The following NRG2 variants were observed in gnomAD, a reference collection of about 807,000 sequenced individuals.
NRG2 encodes neuregulin 2.
Under a neutral mutation model 73.9 loss-of-function variants are expected in NRG2, and 27 were observed. The ratio of observed to expected loss-of-function variants is 0.37; its 90% CI spans 0.27 to 0.50. The LOEUF (loss-of-function observed/expected upper bound fraction) is 0.50. Among genes scored for constraint, NRG2 ranks in the 20% least tolerant of loss-of-function variants. The probability of loss-of-function intolerance (pLI) is 0.96; values close to 1 mark genes in which losing one functional copy is unlikely to be tolerated. For missense variants in NRG2, 1,126 were observed against 1,210.1 expected, an observed-to-expected ratio of 0.93 and a Z score of 1.03; for synonymous variants, 532 against 541.0, an observed-to-expected ratio of 0.98 and a Z score of 0.23.
chr5:139,914,046 T>C (rs1751052677), intron 1 of NRG2, among the ~76,000 whole-genome samples: 1 of 152,068 alleles, frequency 6.6e-6, no homozygotes, highest in Non-Finnish European at 1.5e-5. Flanking sequence ...CCCAGCTACA[T>C]GGGAGGCTGA....
chr5:140,029,783 C>A (rs1760995825), intron 1 of NRG2, among the ~76,000 whole-genome samples: 1 of 151,754 alleles, frequency 6.6e-6, no homozygotes, highest in South Asian at 2.1e-4. Flanking sequence ...AGAGGAGAAC[C>A]AAGGACAACC....
rs1762725491 is a variant in NRG2, at chr5:139,869,919, C to T, written c.1112+1802G>A. On this transcript the variant is annotated intron_variant, in intron 4 of 9. Coordinates refer to ENST00000361474, the MANE Select transcript of NRG2 (RefSeq NM_004883.3). The surrounding 1 kb of genome is among the most constrained non-coding windows in gnomAD (Gnocchi z 4.5). ...GAGCCCTGGCCCCCATGGCCCTCCT[C>T]AGCCCTGGCACCTGTCCTGAGGGGC... Among the ~76,000 whole-genome samples, 1 of 152,222 alleles carries T rather than the reference C, an allele frequency of 6.6e-6. No individual in the cohort carries two copies. The highest frequency in any genetic ancestry group is 1.5e-5 in the Non-Finnish European group (1 of 68,040).
Position 139,851,608 on chromosome 5 carries a change from C to T in NRG2, c.1768G>A (p.Glu590Lys). 1.2e-6 allele frequency: 2 copies of T among 1,613,836 alleles called. No individual in the cohort carries two copies. Among genetic ancestry groups the T allele is most frequent in the East Asian group, 2.2e-5 (1 of 44,880 alleles). The change falls in exon 9 of 10, where the codon GAG becomes AAG. Residue 590 changes from glutamate to lysine, a missense_variant. This residue lies in a region of NRG2 where 539 missense variants were observed against 703.2 expected (regional missense o/e 0.77). Transcript: ENST00000361474. This position sits in a 1 kb window ranked among gnomAD's most constrained non-coding sequence, Gnocchi z 4.2. ...GGTCAGGGGGTAGGAACTGACCTCT[C>T]GCTGTGTGGGGAGTCGCGAAGGGAG... The part of the protein sequence containing the change: ...VDSLRDSPHS[E>K]RYVSALTTPA...
rs529550903 is a variant in NRG2 at position 139,972,584 on chromosome 5, G to C, written c.700+69786C>G. On this transcript the variant is annotated intron_variant, in intron 1 of 9. Transcript: ENST00000361474. ...TACTAAAAATACAAAAATTAGCTGG[G>C]TATGTGGCGTACGCCTGTAATCCCA... Among the ~76,000 whole-genome samples, 257 of 152,248 alleles carry C rather than the reference G, an allele frequency of 1.7e-3. 2 individuals are homozygous for C. Among genetic ancestry groups the C allele is most frequent in the African/African-American group, 5.5e-3 (227 of 41,552 alleles).
At chr5:139,929,975 G>GT (rs1752344277) in intron 1 of NRG2, among the ~76,000 whole-genome samples, 1 of 152,190 alleles carries the variant, frequency 6.6e-6, no homozygotes, top group African/African-American at 2.4e-5. Context: ...GTCTGAATTC[G>GT]TGATGTCACA....
chr5:140,035,193 A>G (rs1303747100), intron 1 of NRG2, among the ~76,000 whole-genome samples: 1 of 152,146 alleles, frequency 6.6e-6, no homozygotes, highest in Non-Finnish European at 1.5e-5. Flanking sequence ...CTCTTGCTGC[A>G]TGAAATAATC....
rs1761118687 is a variant in NRG2, at chr5:139,848,148, G to A, written c.2322C>T (p.Ala774=). ...SLSSGSGGGS[A]SASDDDADDA... ...CGTCCGCGTCGTCGTCCGACGCCGAGGCTGAGCCGCCGCCCGAGCCGCTGC... is the reference window on the plus strand; with the variant it reads ...CGTCCGCGTCGTCGTCCGACGCCGAAGCTGAGCCGCCGCCCGAGCCGCTGC... The change falls in exon 10 of 10, where the codon GCC becomes GCT. Residue 774 remains alanine, a synonymous_variant. Coordinates refer to ENST00000361474, the MANE Select transcript of NRG2 (RefSeq NM_004883.3). 3 of 1,453,458 alleles carry A rather than the reference G, an allele frequency of 2.1e-6. No homozygotes were observed. Among genetic ancestry groups the A allele is most frequent in the Non-Finnish European group, 2.7e-6 (3 of 1,110,080 alleles). 90.0% of individuals were successfully genotyped at this position (1,453,458 alleles called of 1,614,324 possible).
intron 1 of NRG2, among the ~76,000 whole-genome samples, chr5:139,982,803 C>T (rs1756909275): frequency 6.6e-6 from 1 of 152,170 alleles, no homozygotes; most frequent in Non-Finnish European, 1.5e-5. Context: ...TCTTTTGTGT[C>T]GTACTCTTAG....
At chr5:139,999,557 G>A (rs547867511) in intron 1 of NRG2, among the ~76,000 whole-genome samples, 3 of 152,320 alleles carry the variant, frequency 2.0e-5, no homozygotes, top group South Asian at 2.1e-4. Context: ...GGGACCAGAC[G>A]TTCTCTGTTC....
At position 140,012,896 on chromosome 5, in the gene NRG2, G is replaced by A. The variant is rs544451817; in HGVS notation, c.700+29474C>T. Among the ~76,000 whole-genome samples, 4 of 152,232 alleles carry A rather than the reference G, an allele frequency of 2.6e-5. No homozygotes were observed. The East Asian group carries it at 7.7e-4, about 29-fold the overall frequency. On this transcript the variant is annotated intron_variant, in intron 1 of 9. Coordinates refer to ENST00000361474, the MANE Select transcript of NRG2 (RefSeq NM_004883.3). Reference sequence around the variant, plus strand: ...TGTGCCCATGCAATTGAATGTAGCTGGAGAAATGCACACAATCACCTAGAC... The same window carrying A: ...TGTGCCCATGCAATTGAATGTAGCTAGAGAAATGCACACAATCACCTAGAC...
In NRG2 at chr5:140,011,007, C is replaced by T. The variant is rs559997487; in HGVS notation, c.700+31363G>A. ...CAGCTATAGAGGGTTCTCCTGGCTC[C>T]CTCCCACTACTGTTTGTCCTGCATA... is the stretch of plus-strand genomic sequence containing the variant. On this transcript the variant is annotated intron_variant, in intron 1 of 9. Coordinates refer to ENST00000361474, the MANE Select transcript of NRG2 (RefSeq NM_004883.3). 3.9e-4 allele frequency among the ~76,000 whole-genome samples: 59 copies of T among 152,306 alleles called. No individual in the cohort carries two copies. The South Asian group carries it at 0.011, about 27-fold the overall frequency.
intron 1 of NRG2, among the ~76,000 whole-genome samples, chr5:140,010,952 G>A (rs1485042781): frequency 6.6e-6 from 1 of 152,212 alleles, no homozygotes; most frequent in Admixed American, 6.5e-5. Flanking sequence ...GCAGGCCCTG[G>A]TCATCTCTCC....
rs1349795914 is a variant in NRG2, at chr5:139,869,461, C to T, written c.1112+2260G>A. 6.6e-6 allele frequency: 1 copy of T among 152,378 alleles called. No homozygotes were observed. The highest frequency in any genetic ancestry group is 1.5e-5 in the Non-Finnish European group (1 of 68,108). 9.4% of individuals were successfully genotyped at this position (152,378 alleles called of 1,614,324 possible). On this transcript the variant is annotated intron_variant, in intron 4 of 9. Transcript: ENST00000361474. The surrounding 1 kb of genome is among the most constrained non-coding windows in gnomAD (Gnocchi z 4.5). ...CATCAGGAACCCCAAGAGGCCTGCC[C>T]ACCTTCCCTCCCAGCTCGTCCACCC...
chr5:139,911,578 T>C (rs1171010302), intron 1 of NRG2, among the ~76,000 whole-genome samples: 2 of 152,186 alleles, frequency 1.3e-5, no homozygotes, highest in Non-Finnish European at 2.9e-5. Flanking sequence ...TGCGGCATGG[T>C]ACCAGGCCCT....
rs749651103 is a variant in NRG2, at chr5:139,852,498, A to G, written c.1478T>C (p.Phe493Ser). ...AGGAGAACAGGAGTGGCTCCCAGAG[A>G]AGGTGGTCTCAGTTTCTCTCCTGAT... is the stretch of plus-strand genomic sequence containing the variant. Reference protein sequence around the residue: ...HVIRRETETTFSGSHSCSPSH... With the variant: ...HVIRRETETTSSGSHSCSPSH... Residue 493 changes from phenylalanine to serine, a missense_variant, in exon 8 of 10, where the codon TTC becomes TCC. This residue lies in a region of NRG2 where 539 missense variants were observed against 703.2 expected (regional missense o/e 0.77). Transcript: ENST00000361474. The surrounding 1 kb of genome is among the most constrained non-coding windows in gnomAD (Gnocchi z 4.4). 3 of 1,614,052 alleles carry G rather than the reference A, an allele frequency of 1.9e-6. No individual in the cohort carries two copies. The Admixed American group carries it at 5.0e-5, about 27-fold the overall frequency.
At position 139,856,826 on chromosome 5, in the gene NRG2, C is replaced by T. The variant is rs1462220842; in HGVS notation, c.1190-1048G>A. Among the ~76,000 whole-genome samples the T allele has an allele frequency of 6.6e-6, 1 of 152,186 alleles. No homozygotes were observed. The highest frequency in any genetic ancestry group is 2.4e-5 in the African/African-American group (1 of 41,458). On this transcript the variant is annotated intron_variant, in intron 5 of 9. Coordinates refer to ENST00000361474, the MANE Select transcript of NRG2 (RefSeq NM_004883.3). This position sits in a 1 kb window ranked among gnomAD's most constrained non-coding sequence, Gnocchi z 4.2. ...TGCACACACAACATATGCACACACA[C>T]AGAGTTAACCACACACTCCAGCAAC...
chr5:139,860,457 G>A (rs1183495136), intron 5 of NRG2, among the ~76,000 whole-genome samples: 2 of 151,814 alleles, frequency 1.3e-5, no homozygotes, highest in African/African-American at 4.8e-5. Context: ...TAGCTGGCCT[G>A]TCCACGTACT....
chr5:140,022,041 C>G (rs1760273449), intron 1 of NRG2, among the ~76,000 whole-genome samples: 1 of 152,168 alleles, frequency 6.6e-6, no homozygotes, highest in Non-Finnish European at 1.5e-5. Context: ...AAGGCAGTCC[C>G]AGCCTTCTCT....
At chr5:139,964,127 C>T (rs1755291725) in intron 1 of NRG2, among the ~76,000 whole-genome samples, 1 of 152,132 alleles carries the variant, frequency 6.6e-6, no homozygotes, top group South Asian at 2.1e-4. Context: ...GGTCACAAAA[C>T]CTTTTTAGGG....
Sources: gnomAD v4.1 joint callset for allele counts (sites outside exome capture counted in the v4.1 genomes callset) on GRCh38, gnomAD v4.1.1 for gene constraint, gnomAD v4.1.1 regional missense constraint, Gnocchi (gnomAD v3.1) non-coding constraint, MANE v1.5 for transcripts, NCBI Gene and HGNC (gene_info 2026-07-23, HGNC 2026-07-21) for gene names.